CSMD1: variants seen among roughly 807,000 people sequenced by gnomAD.
The protein encoded by CSMD1 is CUB and Sushi multiple domains 1.
In CSMD1, 213 loss-of-function variants were observed where a neutral mutation model predicts 417.5. The ratio of observed to expected loss-of-function variants is 0.51; its 90% CI spans 0.46 to 0.57. CSMD1 has a LOEUF of 0.57. Ranked by LOEUF, CSMD1 falls within the 20% of genes least tolerant of loss-of-function variation. CSMD1 has a pLI of 0.00. For missense variants in CSMD1, 6,923 were observed against 4,529.7 expected, an observed-to-expected ratio of 1.53 and a Z score of -15.17; for synonymous variants, 2,862 against 1,736.8, an observed-to-expected ratio of 1.65 and a Z score of -16.11.
chr8:3,698,354 C>T (rs746022787), intron 7 of CSMD1, among the ~76,000 whole-genome samples: 1 of 152,188 alleles, frequency 6.6e-6, no homozygotes, highest in Non-Finnish European at 1.5e-5. Context: ...AATTGCAAAA[C>T]TCCATTATTA....
At chr8:4,117,953 A>AG (rs1002495410) in intron 3 of CSMD1, among the ~76,000 whole-genome samples, 3 of 151,694 alleles carry the variant, frequency 2.0e-5, no homozygotes, top group African/African-American at 7.3e-5. Context: ...GTCAATAGGA[A>AG]AAAAAAAAAA....
At chr8:4,049,806 G>C (rs920203008) in intron 3 of CSMD1, among the ~76,000 whole-genome samples, 5 of 151,888 alleles carry the variant, frequency 3.3e-5, no homozygotes, top group Non-Finnish European at 5.9e-5. Flanking sequence ...TCTTAGCTTT[G>C]TATGGACATT....
chr8:4,252,636 G>T (rs1337855816), intron 3 of CSMD1, among the ~76,000 whole-genome samples: 3 of 152,204 alleles, frequency 2.0e-5, no homozygotes, highest in Non-Finnish European at 2.9e-5. Flanking sequence ...GTCTCCAGAA[G>T]TAACACCCAG....
intron 3 of CSMD1, among the ~76,000 whole-genome samples, chr8:4,169,910 A>C (rs1030322036): frequency 1.3e-5 from 2 of 149,652 alleles, no homozygotes; most frequent in South Asian, 2.1e-4. Flanking sequence ...TGTTTCCACT[A>C]TTATTATAGA....
chr8:4,210,917 A>T (rs1563279450), intron 3 of CSMD1, among the ~76,000 whole-genome samples: 1 of 152,200 alleles, frequency 6.6e-6, no homozygotes, highest in Non-Finnish European at 1.5e-5. Flanking sequence ...GGTTGACTTA[A>T]TGAAAAACTC....
chr8:3,177,882 G>A (rs199659823), intron 37 of CSMD1, among the ~76,000 whole-genome samples: 1 of 75,412 alleles, frequency 1.3e-5, no homozygotes, highest in Non-Finnish European at 2.6e-5. Context: ...TAAGATATCT[G>A]GATATGTATT....
intron 37 of CSMD1, among the ~76,000 whole-genome samples, chr8:3,169,416 CA>C (rs554850283): frequency 1.3e-5 from 2 of 149,204 alleles, no homozygotes; most frequent in Non-Finnish European, 1.5e-5. Context: ...AAGCCAGTAT[CA>C]AAAAAAAGAC....
At chr8:4,360,550 C>A (rs1482662134) in intron 3 of CSMD1, among the ~76,000 whole-genome samples, 1 of 152,076 alleles carries the variant, frequency 6.6e-6, no homozygotes, top group Admixed American at 6.6e-5. Flanking sequence ...AGGGCAGTGG[C>A]GCGATCTCGG....
At chr8:4,916,455 G>A (rs1038375984) in intron 1 of CSMD1, among the ~76,000 whole-genome samples, 3 of 152,200 alleles carry the variant, frequency 2.0e-5, no homozygotes, top group African/African-American at 4.8e-5. Flanking sequence ...TTGTTTGTCA[G>A]GGAAGATGGT....
chr8:4,914,786 T>C (rs1200572660), intron 1 of CSMD1, among the ~76,000 whole-genome samples: 1 of 152,154 alleles, frequency 6.6e-6, no homozygotes. Context: ...TGAGTTCCCA[T>C]GTAACCACAA....
At chr8:4,984,172 G>C (rs1343921979) in intron 1 of CSMD1, among the ~76,000 whole-genome samples, 3 of 152,156 alleles carry the variant, frequency 2.0e-5, no homozygotes, top group African/African-American at 7.2e-5. Context: ...TTACATCCTG[G>C]AGGTCATTAG....
intron 5 of CSMD1, among the ~76,000 whole-genome samples, chr8:3,911,598 C>G (rs1488533030): frequency 6.6e-6 from 1 of 151,810 alleles, no homozygotes; most frequent in Non-Finnish European, 1.5e-5. Context: ...CTTTATATTT[C>G]CAGTTTCTCT....
chr8:3,949,089 T>C (rs977281286), intron 5 of CSMD1, among the ~76,000 whole-genome samples: 1 of 152,182 alleles, frequency 6.6e-6, no homozygotes, highest in African/African-American at 2.4e-5. Context: ...TAAATACAAA[T>C]TATACCTATT....
At chr8:3,195,585 CA>C (rs1342815707) in intron 33 of CSMD1, among the ~76,000 whole-genome samples, 2 of 152,098 alleles carry the variant, frequency 1.3e-5, no homozygotes, top group Non-Finnish European at 2.9e-5. Flanking sequence ...TGTGAAATGA[CA>C]AAGATCCCTA....
rs191928671 is a variant in CSMD1 at position 4,757,602 on chromosome 8, C to T, written c.86-120044G>A. On this transcript the variant is annotated intron_variant, in intron 1 of 69. Coordinates refer to ENST00000635120, the MANE Select transcript of CSMD1 (RefSeq NM_033225.6). ...GCAATAGCCTACAGGAGACATATCT[C>T]TACCAAGTTGGATTATGTGCTCTCT... 4.8e-3 allele frequency among the ~76,000 whole-genome samples: 736 copies of T among 152,272 alleles called. 8 individuals carry two copies. Among genetic ancestry groups the T allele is most frequent in the African/African-American group, 0.017 (710 of 41,564 alleles).
intron 4 of CSMD1, among the ~76,000 whole-genome samples, chr8:4,014,170 A>G (rs926234204): frequency 1.3e-5 from 2 of 152,196 alleles, no homozygotes; most frequent in Non-Finnish European, 2.9e-5. Context: ...ATAACATTAG[A>G]AATGCATTCA....
intron 33 of CSMD1, among the ~76,000 whole-genome samples, chr8:3,197,754 G>A (rs1460173360): frequency 2.0e-5 from 3 of 152,158 alleles, no homozygotes; most frequent in South Asian, 2.1e-4. Context: ...TTGAGCCACC[G>A]TGCCCGGCTT....
At chr8:4,910,970 G>T (rs180910113) in intron 1 of CSMD1, among the ~76,000 whole-genome samples, 2 of 152,232 alleles carry the variant, frequency 1.3e-5, no homozygotes, top group Admixed American at 6.5e-5. Context: ...TAAGCCTCAG[G>T]AGACCTGATG....
chr8:4,032,242 A>C (rs72624013), intron 3 of CSMD1, 143 bp from the exon 4 acceptor site: 102,750 of 602,768 alleles, frequency 0.17, 10,379 homozygotes, highest in East Asian at 0.34. Context: ...TTGCTAAAAA[A>C]TAAACTGAGA....
Sources: gnomAD v4.1 joint callset for allele counts (sites outside exome capture counted in the v4.1 genomes callset) on GRCh38, gnomAD v4.1.1 for gene constraint, MANE v1.5 for transcripts, NCBI Gene and HGNC (gene_info 2026-07-23, HGNC 2026-07-21) for gene names.